AFF3: variants seen among roughly 807,000 people sequenced by gnomAD.
The protein encoded by AFF3 is AF4/FMR2 family member 3.
In AFF3, 32 loss-of-function variants were observed where a neutral mutation model predicts 129.7. That is an observed-to-expected ratio of 0.25 (90% CI 0.19 to 0.33). The LOEUF is 0.33. Ranked by LOEUF, AFF3 falls within the 10% of genes least tolerant of loss-of-function variation. AFF3 has a pLI of 1.00. For missense variants in AFF3, 1,373 were observed against 1,592.0 expected, an observed-to-expected ratio of 0.86 and a Z score of 2.34; for synonymous variants, 644 against 635.4, an observed-to-expected ratio of 1.01 and a Z score of -0.20.
chr2:99,866,981 A>T (rs898049984), intron 7 of AFF3, among the ~76,000 whole-genome samples: 1 of 105,430 alleles, frequency 9.5e-6, no homozygotes, highest in Non-Finnish European at 1.9e-5. Flanking sequence ...AATAATAATA[A>T]TAATAATAAT....
chr2:99,847,039 A>G (rs1456445411), intron 7 of AFF3, among the ~76,000 whole-genome samples: 1 of 152,182 alleles, frequency 6.6e-6, no homozygotes, highest in Non-Finnish European at 1.5e-5. Flanking sequence ...GAGAGGTGGG[A>G]GCAGGTAGCA....
At chr2:100,007,759 G>C in intron 5 of AFF3, 1 of 383,380 alleles carries the variant, frequency 2.6e-6, no homozygotes, top group Non-Finnish European at 4.8e-6. Flanking sequence ...CGGAACACCT[G>C]AGGTCAGGTG....
chr2:100,075,659 T>A (rs964221773), intron 4 of AFF3, among the ~76,000 whole-genome samples: 1 of 152,206 alleles, frequency 6.6e-6, no homozygotes, highest in South Asian at 2.1e-4. Flanking sequence ...AATTTCACTA[T>A]AATTAGGGAA....
chr2:100,138,786 A>C (rs1050982572), intron 1 of AFF3, among the ~76,000 whole-genome samples: 15 of 151,936 alleles, frequency 9.9e-5, no homozygotes, highest in African/African-American at 3.6e-4. Context: ...CTCTACTAAA[A>C]ATACAAAAAT....
intron 4 of AFF3, among the ~76,000 whole-genome samples, chr2:100,083,559 T>C (rs550804859): frequency 6.6e-5 from 10 of 152,292 alleles, no homozygotes; most frequent in South Asian, 4.1e-4. Flanking sequence ...CACAAAGCAA[T>C]AGAGTTCTTA....
intron 4 of AFF3, among the ~76,000 whole-genome samples, chr2:100,079,024 G>A (rs1329500879): frequency 6.8e-6 from 1 of 147,992 alleles, no homozygotes; most frequent in Admixed American, 6.9e-5. Flanking sequence ...TCGGTTCACT[G>A]CAAGCTCTGC....
intron 8 of AFF3, among the ~76,000 whole-genome samples, chr2:99,770,650 G>C (rs62150105): frequency 0.029 from 4,379 of 152,256 alleles, 81 homozygotes; most frequent in Non-Finnish European, 0.04. Context: ...TATGACCTGG[G>C]TATCACTGCT....
chr2:99,866,572 T>C (rs1392648460), intron 7 of AFF3, among the ~76,000 whole-genome samples: 1 of 152,128 alleles, frequency 6.6e-6, no homozygotes, highest in Admixed American at 6.5e-5. Flanking sequence ...TCTCCAGGTC[T>C]TTGTGTCACC....
At chr2:99,633,307 C>G (rs961010522) in intron 13 of AFF3, among the ~76,000 whole-genome samples, 7 of 152,186 alleles carry the variant, frequency 4.6e-5, no homozygotes, top group South Asian at 4.2e-4. Context: ...GGTGTCTCAG[C>G]ACAGCAGTGA....
intron 7 of AFF3, among the ~76,000 whole-genome samples, chr2:99,953,180 C>T (rs1160806564): frequency 1.3e-5 from 2 of 152,206 alleles, no homozygotes. Flanking sequence ...GGTATCCTCA[C>T]ATTCACAAGC....
chr2:100,132,178 G>A (rs1438729841), intron 1 of AFF3, among the ~76,000 whole-genome samples: 1 of 152,204 alleles, frequency 6.6e-6, no homozygotes, highest in Non-Finnish European at 1.5e-5. Context: ...ACAGCATGGT[G>A]ACTATACTTA....
chr2:100,085,235 T>C (rs1321408530), intron 4 of AFF3, among the ~76,000 whole-genome samples: 2 of 139,390 alleles, frequency 1.4e-5, no homozygotes, highest in Non-Finnish European at 3.1e-5. Flanking sequence ...AGCAGAAATA[T>C]ACTCACAGCT....
At chr2:99,814,491 C>G (rs1687058401) in intron 8 of AFF3, among the ~76,000 whole-genome samples, 1 of 152,154 alleles carries the variant, frequency 6.6e-6, no homozygotes, top group Non-Finnish European at 1.5e-5. Flanking sequence ...AAGGGAGGCA[C>G]TACCTTCATC....
At chr2:100,104,073 G>A (rs1368460722) in intron 4 of AFF3, among the ~76,000 whole-genome samples, 5 of 151,918 alleles carry the variant, frequency 3.3e-5, no homozygotes, top group Non-Finnish European at 7.4e-5. Context: ...CCGACGGGTG[G>A]ATCCCCAGGC....
At chr2:99,901,190 T>C (rs936407061) in intron 7 of AFF3, among the ~76,000 whole-genome samples, 3 of 152,228 alleles carry the variant, frequency 2.0e-5, no homozygotes, top group Non-Finnish European at 4.4e-5. Context: ...CTTTTCTCTT[T>C]TTTACCCCTC....
intron 4 of AFF3, among the ~76,000 whole-genome samples, chr2:100,014,922 T>C (rs954919440): frequency 6.6e-6 from 1 of 150,844 alleles, no homozygotes; most frequent in African/African-American, 2.4e-5. Context: ...TAGCTGGGAC[T>C]ACAGGCATGT....
At chr2:99,991,774 A>G (rs533633268) in intron 7 of AFF3, among the ~76,000 whole-genome samples, 3 of 152,174 alleles carry the variant, frequency 2.0e-5, no homozygotes, top group Non-Finnish European at 1.5e-5. Flanking sequence ...GTGGTGGCGC[A>G]TACCTGTAAC....
At chr2:99,685,958 G>A (rs2104600939) in intron 11 of AFF3, among the ~76,000 whole-genome samples, 1 of 152,156 alleles carries the variant, frequency 6.6e-6, no homozygotes, top group Admixed American at 6.5e-5. Context: ...GGAGGCGGAG[G>A]CGGGCGGATC....
At chr2:99,818,100 A>G (rs1346699415) in intron 8 of AFF3, among the ~76,000 whole-genome samples, 1 of 152,196 alleles carries the variant, frequency 6.6e-6, no homozygotes, top group African/African-American at 2.4e-5. Context: ...ACCAAATTCC[A>G]AATTTCAAAA....
Sources: gnomAD v4.1 joint callset for allele counts (sites outside exome capture counted in the v4.1 genomes callset) on GRCh38, gnomAD v4.1.1 for gene constraint, MANE v1.5 for transcripts, NCBI Gene and HGNC (gene_info 2026-07-23, HGNC 2026-07-21) for gene names.